INSC: variants seen among roughly 807,000 people sequenced by gnomAD.
The protein encoded by INSC is protein inscuteable homolog.
In INSC, 67 loss-of-function variants were observed where a neutral mutation model predicts 58.6. The observed-to-expected ratio is 1.14, with a 90% confidence interval of 0.94 to 1.40. The LOEUF (loss-of-function observed/expected upper bound fraction) is 1.40, where lower values mean the gene tolerates loss of function less well. INSC is among the 40% of genes most tolerant of loss of function. The pLI is 0.00. For missense variants in INSC, 714 were observed against 692.0 expected, an observed-to-expected ratio of 1.03 and a Z score of -0.36; for synonymous variants, 262 against 276.1, an observed-to-expected ratio of 0.95 and a Z score of 0.51.
Position 15,221,475 on chromosome 11 carries a change from A to C in INSC, c.820-2A>C. ...AGGGGAGCTCCCTCTCTCCATCTGC[A>C]GGTGGATGGCGTTCTGTGCTTGGCC... On this transcript the variant is annotated splice_acceptor_variant, in intron 7 of 12. Coordinates refer to ENST00000379556, the MANE Select transcript of INSC (RefSeq NM_001042536.3). LOFTEE classifies it high-confidence loss of function. The C allele has an allele frequency of 1.2e-6, 2 of 1,604,178 alleles. No homozygotes were observed. The highest frequency in any genetic ancestry group is 1.7e-6 in the Non-Finnish European group (2 of 1,173,862).
intron 2 of INSC, among the ~76,000 whole-genome samples, chr11:15,156,828 C>A (rs964616999): frequency 6.6e-6 from 1 of 152,148 alleles, no homozygotes; most frequent in Non-Finnish European, 1.5e-5. Flanking sequence ...CTTTGGAATA[C>A]CCCTGAGGAA....
At chr11:15,125,432 G>A (rs1847970778) in intron 1 of INSC, among the ~76,000 whole-genome samples, 2 of 152,180 alleles carry the variant, frequency 1.3e-5, no homozygotes, top group Admixed American at 1.3e-4. Context: ...ACATGCTATA[G>A]CTGCTATGAA....
intron 3 of INSC, among the ~76,000 whole-genome samples, chr11:15,176,434 C>G (rs575174384): frequency 2.6e-5 from 4 of 151,986 alleles, no homozygotes; most frequent in African/African-American, 9.7e-5. Context: ...AGTTACTTAA[C>G]TTCTCTGTGT....
the INSC span, among the ~76,000 whole-genome samples, chr11:15,269,277 C>T: frequency 2.6e-5 from 4 of 151,902 alleles, no homozygotes; most frequent in Non-Finnish European, 5.9e-5. Flanking sequence ...TTAAAGTAGC[C>T]TATTAAATAT....
chr11:15,216,082 T>G (rs1172771528), intron 7 of INSC, among the ~76,000 whole-genome samples: 2 of 152,174 alleles, frequency 1.3e-5, no homozygotes, highest in African/African-American at 4.8e-5. Context: ...CTGAGGCAAC[T>G]TGGGTTTGGG....
intron 2 of INSC, among the ~76,000 whole-genome samples, chr11:15,165,063 T>A (rs1849148879): frequency 6.6e-6 from 1 of 152,172 alleles, no homozygotes; most frequent in Non-Finnish European, 1.5e-5. Flanking sequence ...ACCGAGCAGG[T>A]CTTACAGCTG....
chr11:15,117,618 C>G (rs1847762684), intron 1 of INSC, among the ~76,000 whole-genome samples: 2 of 152,158 alleles, frequency 1.3e-5, no homozygotes, highest in Non-Finnish European at 2.9e-5. Flanking sequence ...ATATTTTTAA[C>G]TGTAAACTTC....
chr11:15,129,602 G>A (rs1455454593), intron 1 of INSC, among the ~76,000 whole-genome samples: 1 of 152,132 alleles, frequency 6.6e-6, no homozygotes, highest in Non-Finnish European at 1.5e-5. Flanking sequence ...ACTTGCACAT[G>A]CTAAGGTTCA....
intron 2 of INSC, among the ~76,000 whole-genome samples, chr11:15,171,639 C>T (rs1792529): frequency 0.51 from 78,154 of 152,036 alleles, 20,932 homozygotes; most frequent in East Asian, 0.93. Flanking sequence ...TTGGAATTCC[C>T]AGCAGATCCT....
upstream of INSC, chr11:15,112,306 G>C (rs1477527001): frequency 4.0e-6 from 2 of 503,170 alleles, no homozygotes; most frequent in Non-Finnish European, 7.0e-6. Context: ...CTTCAACTCT[G>C]AGCTCCCTTG....
chr11:15,178,213 T>C, intron 4 of INSC, 111 bp from the exon 5 acceptor site: 2 of 1,412,142 alleles, frequency 1.4e-6, no homozygotes, highest in East Asian at 2.3e-5. Flanking sequence ...CAGTTGCCAA[T>C]GTCTTCAGCA....
At chr11:15,201,480 G>C (rs932421741) in intron 7 of INSC, among the ~76,000 whole-genome samples, 1 of 152,144 alleles carries the variant, frequency 6.6e-6, no homozygotes, top group African/African-American at 2.4e-5. Flanking sequence ...GTGGGAGTAG[G>C]GTAGGGTTAG....
chr11:15,248,278 T>A (rs1351510741), downstream of INSC, among the ~76,000 whole-genome samples: 1 of 152,228 alleles, frequency 6.6e-6, no homozygotes, highest in Non-Finnish European at 1.5e-5. Context: ...TTTAAGTGTG[T>A]GGCAGTGAAG....
chr11:15,186,818 T>G (rs749009262), intron 5 of INSC, among the ~76,000 whole-genome samples: 4 of 152,134 alleles, frequency 2.6e-5, no homozygotes, highest in Non-Finnish European at 5.9e-5. Flanking sequence ...TTCGAATAGT[T>G]CATGATGATC....
At chr11:15,262,072 G>T in the INSC span, among the ~76,000 whole-genome samples, 1 of 152,084 alleles carries the variant, frequency 6.6e-6, no homozygotes, top group East Asian at 1.9e-4. Flanking sequence ...CACCTTTCTG[G>T]GTCCTAGTTC....
intron 8 of INSC, among the ~76,000 whole-genome samples, chr11:15,222,273 A>C (rs1448005770): frequency 1.3e-5 from 2 of 152,238 alleles, no homozygotes; most frequent in East Asian, 3.9e-4. Flanking sequence ...GCTTGTCTGG[A>C]TAACAATCCC....
At chr11:15,239,231 C>T (rs565047577) in intron 11 of INSC, among the ~76,000 whole-genome samples, 157 bp downstream of exon 11, 7 of 152,160 alleles carry the variant, frequency 4.6e-5, no homozygotes, top group African/African-American at 1.4e-4. Flanking sequence ...GGGGTGCAGC[C>T]GCTGGTCTAG....
intron 5 of INSC, chr11:15,188,117 G>T: frequency 1.1e-6 from 1 of 908,410 alleles, no homozygotes; most frequent in Non-Finnish European, 1.3e-6. Context: ...GTTATAGCTT[G>T]GAGTAGCTTA....
chr11:15,182,262 G>C (rs191549745), intron 5 of INSC, among the ~76,000 whole-genome samples: 2 of 152,048 alleles, frequency 1.3e-5, no homozygotes, highest in Non-Finnish European at 2.9e-5. Flanking sequence ...GTCATCCTTA[G>C]GGTTGCCAAA....
Sources: gnomAD v4.1 joint callset for allele counts (sites outside exome capture counted in the v4.1 genomes callset) on GRCh38, gnomAD v4.1.1 for gene constraint, MANE v1.5 for transcripts, NCBI Gene and HGNC (gene_info 2026-07-23, HGNC 2026-07-21) for gene names.